Variants in AMMECR1 observed in about 807,000 individuals in gnomAD.
AMMECR1 encodes nuclear protein AMMECR1.
A neutral mutation model predicts 22.5 loss-of-function variants in AMMECR1; 3 were observed. The observed-to-expected ratio is 0.13, with a 90% CI of 0.06 to 0.35. The LOEUF (loss-of-function observed/expected upper bound fraction) is 0.35, where lower values mean the gene tolerates loss of function less well. AMMECR1 is among the 10% of genes least tolerant of loss of function. The probability of loss-of-function intolerance (pLI) is 1.00; values close to 1 mark genes in which losing one functional copy is unlikely to be tolerated. For synonymous variants in AMMECR1, 130 were observed against 116.7 expected (o/e 1.11, Z -0.74); for missense variants, 235 against 278.7 (o/e 0.84, Z 1.12).
At chrX:110,267,781 A>G (rs1176914659) in intron 1 of AMMECR1, among the ~76,000 whole-genome samples, 1 of 112,317 alleles carries the variant, frequency 8.9e-6, no homozygotes, top group Non-Finnish European at 1.9e-5. Context: ...CATTCTTACT[A>G]TAATATAACC....
rs761554142 is a variant in AMMECR1 at position 110,301,652 on chromosome X, G to A, written c.473+15947C>T. On this transcript the variant is annotated intron_variant, in intron 1 of 5. Coordinates refer to ENST00000262844, the MANE Select transcript of AMMECR1 (RefSeq NM_015365.3). ...TAGATTTCAGGGGTGTTGTGAAGCCGACTTGTACTTTCCCAGCCAATGTTA... is the reference window on the plus strand; with the variant it reads ...TAGATTTCAGGGGTGTTGTGAAGCCAACTTGTACTTTCCCAGCCAATGTTA... Among the ~76,000 whole-genome samples the A allele has an allele frequency of 3.8e-3, 419 of 111,470 alleles. 2 individuals are homozygous for A. The highest frequency in any genetic ancestry group is 0.013 in the African/African-American group (402 of 30,708).
chrX:110,279,758 T>G (rs1372234610), intron 1 of AMMECR1, among the ~76,000 whole-genome samples: 2 of 111,783 alleles, frequency 1.8e-5, no homozygotes, highest in East Asian at 5.6e-4. Context: ...GAAGCTGATC[T>G]TCAGTCCATC....
chrX:110,326,800 G>A (rs900412838), intron 2 of AMMECR1, among the ~76,000 whole-genome samples: 3 of 112,021 alleles, frequency 2.7e-5, no homozygotes, highest in African/African-American at 9.8e-5. Flanking sequence ...GGAGAACAGA[G>A]CAGAGATAAG....
chrX:110,198,332 C>G lies in AMMECR1; in HGVS notation c.*188G>C. 2 of 292,337 alleles carry G rather than the reference C, an allele frequency of 6.8e-6. No homozygotes were observed. Among genetic ancestry groups the G allele is most frequent in the Non-Finnish European group, 1.2e-5 (2 of 165,622 alleles). The allele number at this position is 292,337 out of a possible 1,213,427, so 24.1% of individuals were successfully genotyped here. A position where few individuals can be genotyped will look rare whatever the true frequency, so the allele number is the denominator to read the frequency against. Reference sequence around the variant, plus strand: ...ACGATCTAAAATAATAAAACAGGATCTTAACAAATGCCATTTTTCTACCCG... The same window carrying G: ...ACGATCTAAAATAATAAAACAGGATGTTAACAAATGCCATTTTTCTACCCG... On this transcript the variant is annotated 3_prime_UTR_variant, in exon 6 of 6. Transcript: ENST00000262844.
At chrX:110,358,945 C>T (rs913501433) in intron 2 of AMMECR1, 1 of 111,709 alleles carries the variant, frequency 9.0e-6, no homozygotes, top group Non-Finnish European at 1.9e-5. Context: ...TTTTATCTAA[C>T]ACGTTCTTCT....
intron 2 of AMMECR1, among the ~76,000 whole-genome samples, chrX:110,263,888 C>T (rs2067754553): frequency 8.9e-6 from 1 of 111,962 alleles, no homozygotes; most frequent in African/African-American, 3.2e-5. Flanking sequence ...TGCTAGATAG[C>T]TTTTTGTGAA....
At position 110,378,962 on chromosome X, in the gene AMMECR1, C is replaced by T. The variant is rs1287221175; in HGVS notation, c.-148+47696G>A. ...GCTGCCCACTGCTGCGTCTGCCAGT[C>T]TCGTGAAACATTAACCTCTCCTAAC... On this transcript the variant is annotated intron_variant, in intron 2 of 7. Transcript: ENST00000372057. 9.9e-5 allele frequency among the ~76,000 whole-genome samples: 11 copies of T among 111,568 alleles called. No individual in the cohort carries two copies. In the Admixed American group the frequency reaches 1.0e-3, roughly 11 times the overall value.
chrX:110,275,582 G>A, intron 1 of AMMECR1, among the ~76,000 whole-genome samples: 1 of 111,228 alleles, frequency 9.0e-6, no homozygotes, highest in African/African-American at 3.3e-5. Context: ...TGTAATCCTA[G>A]CACTTTGGGA....
intron 2 of AMMECR1, among the ~76,000 whole-genome samples, chrX:110,361,613 T>C (rs966279663): frequency 1.8e-5 from 2 of 112,164 alleles, no homozygotes; most frequent in African/African-American, 6.5e-5. Context: ...CTTCAGGTGA[T>C]GGATCAAATA....
At chrX:110,248,390 A>AAAAAGAAAAG (rs10596812) in intron 2 of AMMECR1, among the ~76,000 whole-genome samples, 1 of 110,178 alleles carries the variant, frequency 9.1e-6, no homozygotes, top group Non-Finnish European at 1.9e-5. Context: ...TGTCTCAAAA[A>AAAAAGAAAAG]AAAAGAAAAG....
intron 1 of AMMECR1, among the ~76,000 whole-genome samples, chrX:110,430,344 G>T (rs1172899782): frequency 8.9e-6 from 1 of 112,406 alleles, no homozygotes; most frequent in Non-Finnish European, 1.9e-5. Context: ...TATGTGTCAG[G>T]TATCATTCTA....
At chrX:110,267,055 A>G (rs2067773457) in intron 1 of AMMECR1, among the ~76,000 whole-genome samples, 1 of 111,695 alleles carries the variant, frequency 9.0e-6, no homozygotes, top group South Asian at 3.8e-4. Flanking sequence ...TCCATGGTGT[A>G]TATGTGCCAT....
chrX:110,246,652 T>C lies in AMMECR1; in HGVS notation c.584+17837A>G, dbSNP rs150709034. ...CCAATCTAAGTAGGAAAGACAATCATGTAAGAAACTACATTGGAAGGCAAG... is the reference window on the plus strand; with the variant it reads ...CCAATCTAAGTAGGAAAGACAATCACGTAAGAAACTACATTGGAAGGCAAG... On this transcript the variant is annotated intron_variant, in intron 2 of 5. Transcript: ENST00000262844. Among the ~76,000 whole-genome samples, 432 of 112,193 alleles carry C rather than the reference T, an allele frequency of 3.9e-3. 3 individuals carry two copies. The highest frequency in any genetic ancestry group is 0.013 in the African/African-American group (413 of 30,873).
At chrX:110,377,789 C>G (rs1242952287) in intron 2 of AMMECR1, among the ~76,000 whole-genome samples, 1 of 109,441 alleles carries the variant, frequency 9.1e-6, no homozygotes, top group African/African-American at 3.3e-5. Flanking sequence ...GCGGGCGGAT[C>G]ACGAGGTCAG....
At chrX:110,221,734 A>G (rs1203169247) in intron 2 of AMMECR1, among the ~76,000 whole-genome samples, 3 of 111,716 alleles carry the variant, frequency 2.7e-5, no homozygotes, top group African/African-American at 9.8e-5. Flanking sequence ...CAAAAGGAAG[A>G]GAAGATAGGA....
intron 1 of AMMECR1, among the ~76,000 whole-genome samples, chrX:110,432,248 C>A (rs1212954478): frequency 8.9e-6 from 1 of 112,350 alleles, no homozygotes; most frequent in Non-Finnish European, 1.9e-5. Context: ...AGCTCTCTTC[C>A]ATTTCATCTC....
chrX:110,415,488 A>G (rs2068670752), intron 2 of AMMECR1, among the ~76,000 whole-genome samples: 1 of 111,398 alleles, frequency 9.0e-6, no homozygotes, highest in African/African-American at 3.3e-5. Context: ...TGTAGCAGAC[A>G]TTGTAGAAAT....
intron 2 of AMMECR1, among the ~76,000 whole-genome samples, chrX:110,408,098 G>GT (rs2068615556): frequency 8.9e-6 from 1 of 112,760 alleles, no homozygotes; most frequent in Admixed American, 9.3e-5. Context: ...GCAACAACAG[G>GT]TATCAATTTA....
chrX:110,291,383 C>T (rs58554576), intron 1 of AMMECR1, among the ~76,000 whole-genome samples: 1,273 of 110,285 alleles, frequency 0.012, 17 homozygotes, highest in African/African-American at 0.04. Flanking sequence ...AAAAATTAGC[C>T]GGCGTGGTGG....
Sources: gnomAD v4.1 joint callset for allele counts (sites outside exome capture counted in the v4.1 genomes callset) on GRCh38, gnomAD v4.1.1 for gene constraint, MANE v1.5 for transcripts, NCBI Gene and HGNC (gene_info 2026-07-23, HGNC 2026-07-21) for gene names.